Variants in GLI3 observed in about 807,000 individuals in gnomAD.
The protein encoded by GLI3 is GLI family zinc finger 3, also known as transcription activator GLI3.
In GLI3, 20 loss-of-function variants were observed where a neutral mutation model predicts 100.8. The ratio of observed to expected loss-of-function variants is 0.20; its 90% CI spans 0.14 to 0.29. The LOEUF is 0.29. Ranked by LOEUF, GLI3 falls within the 10% of genes least tolerant of loss-of-function variation. The pLI is 1.00. For synonymous variants in GLI3, 938 were observed against 860.5 expected (o/e 1.09, Z -1.58); for missense variants, 2,040 against 2,128.5 (o/e 0.96, Z 0.82).
intron 4 of GLI3, among the ~76,000 whole-genome samples, chr7:42,066,531 A>C (rs931211590): frequency 2.0e-5 from 3 of 152,204 alleles, no homozygotes; most frequent in African/African-American, 7.2e-5. Context: ...GATCACGAAA[A>C]GGCCTTTGGA....
chr7:42,017,834 A>G lies in GLI3; in HGVS notation c.1497+5634T>C, dbSNP rs79891298. On this transcript the variant is annotated intron_variant, in intron 10 of 14. Transcript: ENST00000395925. ...ACTCAACCCAGCGAAACACACACAT[A>G]AAACAATGAGAGACTGAGTGACCTC... Among the ~76,000 whole-genome samples the G allele has an allele frequency of 6.9e-3, 1,058 of 152,292 alleles. 15 individuals carry two copies. The highest frequency in any genetic ancestry group is 0.024 in the African/African-American group (1,013 of 41,554).
chr7:42,065,520 C>G (rs985638560), intron 4 of GLI3, among the ~76,000 whole-genome samples: 3 of 151,986 alleles, frequency 2.0e-5, no homozygotes, highest in African/African-American at 7.3e-5. Context: ...AAACATAGTT[C>G]ATAAGTTTAT....
rs554027203 is a variant in GLI3 at position 42,197,224 on chromosome 7, T to C, written c.124+25906A>G. 7.9e-5 allele frequency among the ~76,000 whole-genome samples: 12 copies of C among 152,260 alleles called. No homozygotes were observed. In the South Asian group the frequency reaches 2.5e-3, roughly 32 times the overall value. ...TCCCAGGGTCCCTAGAAAAATCAAG[T>C]CTTCACAACCTATCAACAGCTATCC... is the stretch of plus-strand genomic sequence containing the variant. On this transcript the variant is annotated intron_variant, in intron 2 of 14. Transcript: ENST00000395925.
intron 4 of GLI3, among the ~76,000 whole-genome samples, chr7:42,061,994 C>T (rs1211362367): frequency 6.6e-6 from 1 of 152,096 alleles, no homozygotes; most frequent in Non-Finnish European, 1.5e-5. Flanking sequence ...GAAAGCAAGT[C>T]TTCCAGTACC....
intron 1 of GLI3, among the ~76,000 whole-genome samples, chr7:42,263,261 T>C (rs917385881): frequency 2.6e-5 from 4 of 152,160 alleles, no homozygotes; most frequent in African/African-American, 9.7e-5. Flanking sequence ...GGCACTTTCA[T>C]GTCCATTACC....
chr7:41,987,107 C>G (rs112829002), intron 10 of GLI3, among the ~76,000 whole-genome samples: 18 of 68,808 alleles, frequency 2.6e-4, no homozygotes, highest in Non-Finnish European at 3.6e-4. Flanking sequence ...CACAGACACA[C>G]ACACACACAC....
chr7:42,135,227 G>A (rs1786397789), intron 3 of GLI3, among the ~76,000 whole-genome samples: 1 of 152,054 alleles, frequency 6.6e-6, no homozygotes, highest in African/African-American at 2.4e-5. Context: ...TAATGTTGGG[G>A]AACCAGTAAA....
At chr7:42,228,105 C>T (rs62443824) in intron 1 of GLI3, among the ~76,000 whole-genome samples, 56,378 of 151,910 alleles carry the variant, frequency 0.37, 12,296 homozygotes, top group East Asian at 0.72. Context: ...GGTTCATTAG[C>T]GGGCGCGCCG....
At chr7:42,053,228 C>T (rs1784387879) in intron 4 of GLI3, among the ~76,000 whole-genome samples, 1 of 152,206 alleles carries the variant, frequency 6.6e-6, no homozygotes, top group Non-Finnish European at 1.5e-5. Flanking sequence ...AACTCCTGAT[C>T]TCAGATGATC....
chr7:42,098,604 A>G (rs1255182097), intron 3 of GLI3, among the ~76,000 whole-genome samples: 2 of 152,214 alleles, frequency 1.3e-5, no homozygotes, highest in African/African-American at 4.8e-5. Flanking sequence ...AATCCAAACC[A>G]AAATAAGATC....
In GLI3 at chr7:42,040,314, C is replaced by T. The variant is rs75388627; in HGVS notation, c.827-75G>A. The T allele has an allele frequency of 2.1e-3, 2,341 of 1,119,672 alleles. 4 individuals are homozygous for T. Among genetic ancestry groups the T allele is most frequent in the Non-Finnish European group, 3.0e-3 (2,190 of 734,692 alleles). 69.4% of individuals were successfully genotyped at this position (1,119,672 alleles called of 1,614,324 possible). Reference sequence around the variant, plus strand: ...CCAGCTATTTATTGCTACTTGCCTACGTGGAAGAAGTGAAGGATAAGAAGC... The same window carrying T: ...CCAGCTATTTATTGCTACTTGCCTATGTGGAAGAAGTGAAGGATAAGAAGC... On this transcript the variant is annotated intron_variant, in intron 6 of 14. Coordinates refer to ENST00000395925, the MANE Select transcript of GLI3 (RefSeq NM_000168.6).
rs538037794 is a variant in GLI3 at position 41,991,507 on chromosome 7, C to T, written c.1498-12759G>A. Among the ~76,000 whole-genome samples the T allele has an allele frequency of 5.3e-5, 8 of 152,322 alleles. No individual in the cohort carries two copies. In the South Asian group the frequency reaches 8.3e-4, roughly 16 times the overall value. ...TATATAAAAGCAAAATCTCCATACA[C>T]GCAATATGAGTATCCACTACATGTT... On this transcript the variant is annotated intron_variant, in intron 10 of 14. Coordinates refer to ENST00000395925, the MANE Select transcript of GLI3 (RefSeq NM_000168.6).
intron 2 of GLI3, among the ~76,000 whole-genome samples, chr7:42,156,858 TTC>T (rs1787015717): frequency 6.6e-6 from 1 of 152,218 alleles, no homozygotes; most frequent in Admixed American, 6.5e-5. Context: ...TTCCTAACCT[TTC>T]TAACATTTTT....
At chr7:41,968,686 GAAGAAAGA>G (rs748578300) in intron 13 of GLI3, among the ~76,000 whole-genome samples, 38 of 76,186 alleles carry the variant, frequency 5.0e-4, no homozygotes, top group South Asian at 1.1e-3. Flanking sequence ...AAGAAAGAAA[GAAGAAAGA>G]AAGAAAGAAA....
intron 2 of GLI3, among the ~76,000 whole-genome samples, chr7:42,163,394 C>T (rs1281282824): frequency 3.3e-5 from 5 of 151,674 alleles, no homozygotes; most frequent in Admixed American, 2.6e-4. Flanking sequence ...TTGAATTCAA[C>T]GCTGCCTCTA....
chr7:42,261,284 A>T (rs563194214), intron 1 of GLI3, among the ~76,000 whole-genome samples: 1 of 151,996 alleles, frequency 6.6e-6, no homozygotes, highest in South Asian at 2.1e-4. Context: ...AAATGATCAG[A>T]TCTCATGAGA....
chr7:42,170,112 C>T (rs960212993), intron 2 of GLI3, among the ~76,000 whole-genome samples: 1 of 151,092 alleles, frequency 6.6e-6, no homozygotes, highest in East Asian at 2.0e-4. Context: ...ATTAGCTGGG[C>T]GTGCTGGGAC....
At chr7:42,180,771 T>C (rs886985439) in intron 2 of GLI3, among the ~76,000 whole-genome samples, 3 of 152,070 alleles carry the variant, frequency 2.0e-5, no homozygotes, top group African/African-American at 7.2e-5. Flanking sequence ...AGAAATGACA[T>C]CCAAAAAAGT....
At chr7:42,228,771 A>C (rs1788635140) in intron 1 of GLI3, among the ~76,000 whole-genome samples, 1 of 152,130 alleles carries the variant, frequency 6.6e-6, no homozygotes, top group South Asian at 2.1e-4. Context: ...CTGGCCCCCA[A>C]TGTGTTTTTC....
Sources: allele counts gnomAD v4.1 joint callset (sites outside exome capture counted in the v4.1 genomes callset), GRCh38; gene constraint gnomAD v4.1.1; transcripts MANE v1.5; gene names NCBI Gene and HGNC (gene_info 2026-07-23, HGNC 2026-07-21).